Variants in SLC25A21 observed in about 807,000 individuals in gnomAD.
SLC25A21 encodes mitochondrial 2-oxodicarboxylate carrier.
SLC25A21 carries 47 observed loss-of-function variants against 43.8 expected under a neutral mutation model. The ratio of observed to expected loss-of-function variants is 1.07; its 90% CI spans 0.85 to 1.37. SLC25A21 has a LOEUF of 1.37. SLC25A21 is among the 40% of genes most tolerant of loss of function. The pLI is 0.00. For synonymous variants in SLC25A21, 131 were observed against 121.3 expected, an observed-to-expected ratio of 1.08 and a Z score of -0.52; for missense variants, 352 against 350.2, an observed-to-expected ratio of 1.00 and a Z score of -0.04.
Position 36,934,718 on chromosome 14 carries a change from AAAAGAGAG to A in SLC25A21, c.71-59722_71-59715del, listed in dbSNP as rs1413207485. Among the ~76,000 whole-genome samples the A allele has an allele frequency of 1.5e-4, 15 of 97,014 alleles. No homozygotes were observed. In the Admixed American group the frequency reaches 1.6e-3, roughly 11 times the overall value. 63.6% of individuals were successfully genotyped at this position (97,014 alleles called of 152,430 possible). A position where few individuals can be genotyped will look rare whatever the true frequency, so the allele number is the denominator to read the frequency against. On this transcript the variant is annotated intron_variant, in intron 1 of 9. Transcript: ENST00000331299. ...TAGAGTTATACACACACACACAGAGAAAAGAGAGAGAGAGAGAGAGAGAAAAGAAGAAG... is the reference window on the plus strand; with the variant it reads ...TAGAGTTATACACACACACACAGAGAAGAGAGAGAGAGAGAAAAGAAGAAG...
intron 1 of SLC25A21, among the ~76,000 whole-genome samples, chr14:37,074,256 T>C (rs1194090397): frequency 6.6e-6 from 1 of 152,082 alleles, no homozygotes; most frequent in Non-Finnish European, 1.5e-5. Context: ...CTTCTAATGA[T>C]GTGGTACTAT....
chr14:37,006,062 T>G lies in SLC25A21; in HGVS notation c.71-131058A>C, dbSNP rs760780187. On this transcript the variant is annotated intron_variant, in intron 1 of 9. Coordinates refer to ENST00000331299, the MANE Select transcript of SLC25A21 (RefSeq NM_030631.4). Reference sequence around the variant, plus strand: ...AAATTTTAAAAGCCAAGGACAAGTTTAGATGTGACAAGGCAAACTAAATGT... The same window carrying G: ...AAATTTTAAAAGCCAAGGACAAGTTGAGATGTGACAAGGCAAACTAAATGT... 3.0e-4 allele frequency among the ~76,000 whole-genome samples: 45 copies of G among 152,332 alleles called. 1 individual carries two copies. Among genetic ancestry groups the G allele is most frequent in the Non-Finnish European group, 4.7e-4 (32 of 68,014 alleles).
intron 2 of SLC25A21, among the ~76,000 whole-genome samples, chr14:36,853,264 T>C (rs2138518609): frequency 6.6e-6 from 1 of 152,210 alleles, no homozygotes; most frequent in South Asian, 2.1e-4. Context: ...AGTTGCAAAA[T>C]CAGAGGAGCT....
At chr14:36,712,774 TATC>T (rs2139191152) in intron 6 of SLC25A21, among the ~76,000 whole-genome samples, 1 of 152,240 alleles carries the variant, frequency 6.6e-6, no homozygotes, top group African/African-American at 2.4e-5. Context: ...CAATAAGACA[TATC>T]ATACAGGAAA....
At chr14:36,785,743 A>G (rs954346241) in intron 3 of SLC25A21, among the ~76,000 whole-genome samples, 1 of 152,192 alleles carries the variant, frequency 6.6e-6, no homozygotes, top group Non-Finnish European at 1.5e-5. Context: ...AGATGTAGTC[A>G]CCTTGCAAGA....
intron 1 of SLC25A21, among the ~76,000 whole-genome samples, chr14:36,929,216 A>C: frequency 1.3e-5 from 2 of 152,178 alleles, no homozygotes; most frequent in East Asian, 3.9e-4. Context: ...AAACTATTCC[A>C]CTTAGCATGA....
chr14:37,070,685 A>C (rs543164466), intron 1 of SLC25A21, among the ~76,000 whole-genome samples: 1 of 152,210 alleles, frequency 6.6e-6, no homozygotes, highest in Non-Finnish European at 1.5e-5. Flanking sequence ...AGAATTGCAC[A>C]TCATGTTCCT....
chr14:36,767,821 TTGGTATCTGC>T (rs1433199974), intron 3 of SLC25A21, among the ~76,000 whole-genome samples: 1 of 152,162 alleles, frequency 6.6e-6, no homozygotes, highest in African/African-American at 2.4e-5. Flanking sequence ...TTCAGGCCCG[TTGGTATCTGC>T]TGGGAGGTGA....
chr14:36,762,486 G>A (rs1380008886), intron 3 of SLC25A21, among the ~76,000 whole-genome samples: 1 of 152,212 alleles, frequency 6.6e-6, no homozygotes, highest in Non-Finnish European at 1.5e-5. Flanking sequence ...CACACAGATA[G>A]CAAGAATTTG....
At chr14:36,909,094 G>A (rs774967574) in intron 1 of SLC25A21, among the ~76,000 whole-genome samples, 6 of 152,122 alleles carry the variant, frequency 3.9e-5, no homozygotes, top group African/African-American at 9.7e-5. Flanking sequence ...GGATGCATTG[G>A]AAGAATGAGG....
At chr14:37,160,813 C>T (rs1271377914) in intron 1 of SLC25A21, among the ~76,000 whole-genome samples, 2 of 151,580 alleles carry the variant, frequency 1.3e-5, no homozygotes, top group Non-Finnish European at 2.9e-5. Flanking sequence ...GCCTGCAATC[C>T]CAGCTACTCA....
At chr14:36,953,503 A>G (rs998349054) in intron 1 of SLC25A21, among the ~76,000 whole-genome samples, 3 of 152,222 alleles carry the variant, frequency 2.0e-5, no homozygotes, top group African/African-American at 7.2e-5. Flanking sequence ...AAAACTGAAA[A>G]AAATATGAAT....
At chr14:36,805,896 T>C (rs1020040800) in intron 3 of SLC25A21, among the ~76,000 whole-genome samples, 1 of 151,918 alleles carries the variant, frequency 6.6e-6, no homozygotes, top group Non-Finnish European at 1.5e-5. Context: ...CTGGGAAATG[T>C]AGTGAGAAGG....
intron 1 of SLC25A21, among the ~76,000 whole-genome samples, chr14:36,958,679 GCACACACACACACACACACACA>G (rs71124786): frequency 1.2e-4 from 16 of 136,844 alleles, no homozygotes; most frequent in African/African-American, 3.9e-4. Context: ...AAGCACACGT[GCACACACACACACACACACACA>G]CACACACACA....
chr14:36,730,861 C>T (rs547994706), intron 4 of SLC25A21, among the ~76,000 whole-genome samples: 7 of 152,260 alleles, frequency 4.6e-5, no homozygotes, highest in African/African-American at 1.7e-4. Context: ...CTGAAACTAC[C>T]CTGGTGTTAA....
chr14:36,713,764 G>T (rs943452692), intron 6 of SLC25A21, among the ~76,000 whole-genome samples: 1 of 152,048 alleles, frequency 6.6e-6, no homozygotes, highest in Non-Finnish European at 1.5e-5. Context: ...CAGGAGGAGT[G>T]CTTGAGCCCA....
At chr14:36,876,983 T>A (rs1890553795) in intron 1 of SLC25A21, among the ~76,000 whole-genome samples, 1 of 151,820 alleles carries the variant, frequency 6.6e-6, no homozygotes, top group African/African-American at 2.4e-5. Context: ...TAATTCTAAT[T>A]TAAGCTTTAT....
chr14:37,039,718 T>C (rs10137595), intron 1 of SLC25A21, among the ~76,000 whole-genome samples: 71,390 of 152,090 alleles, frequency 0.47, 19,180 homozygotes, highest in African/African-American at 0.75. Context: ...AAAGGCTATG[T>C]GCCAGCCCTC....
At chr14:36,957,515 C>T (rs1298402140) in intron 1 of SLC25A21, among the ~76,000 whole-genome samples, 2 of 152,118 alleles carry the variant, frequency 1.3e-5, no homozygotes, top group African/African-American at 4.8e-5. Context: ...TCAGTTGATC[C>T]CCATAGATCC....
Sources: gnomAD v4.1 joint callset for allele counts (sites outside exome capture counted in the v4.1 genomes callset) on GRCh38, gnomAD v4.1.1 for gene constraint, MANE v1.5 for transcripts, NCBI Gene and HGNC (gene_info 2026-07-23, HGNC 2026-07-21) for gene names.